Variants in MAP2K4 observed in about 807,000 individuals in gnomAD.
MAP2K4 encodes the protein mitogen-activated protein kinase kinase 4, also known as dual specificity mitogen-activated protein kinase kinase 4.
MAP2K4 carries 4 observed loss-of-function variants against 48.5 expected under a neutral mutation model. That is an observed-to-expected ratio of 0.08 (90% CI 0.04 to 0.19). The LOEUF is 0.19. Ranked by LOEUF, MAP2K4 falls within the 10% of genes least tolerant of loss-of-function variation. The pLI is 1.00. For synonymous variants in MAP2K4, 166 were observed against 173.1 expected, an observed-to-expected ratio of 0.96 and a Z score of 0.32; for missense variants, 258 against 493.3, an observed-to-expected ratio of 0.52 and a Z score of 4.52.
At chr17:12,111,818 G>A (rs1454090342) in intron 6 of MAP2K4, among the ~76,000 whole-genome samples, 1 of 63,896 alleles carries the variant, frequency 1.6e-5, no homozygotes, top group East Asian at 5.1e-4. Flanking sequence ...CCAAAGATGG[G>A]GTGGCTCAAA....
intron 1 of MAP2K4, among the ~76,000 whole-genome samples, chr17:12,030,222 T>C (rs1202733520): frequency 2.6e-5 from 4 of 152,158 alleles, no homozygotes; most frequent in African/African-American, 4.8e-5. Context: ...CTTCCCTAAT[T>C]TAATAATGTT....
At chr17:12,125,019 C>G in intron 7 of MAP2K4, 1 of 397,818 alleles carries the variant, frequency 2.5e-6, no homozygotes, top group East Asian at 4.2e-5. Context: ...CTTTGTCTCC[C>G]TCTTCCCTCA....
intron 2 of MAP2K4, among the ~76,000 whole-genome samples, chr17:12,064,654 T>G (rs1288042305): frequency 6.6e-6 from 1 of 152,102 alleles, no homozygotes; most frequent in Admixed American, 6.5e-5. Flanking sequence ...TAGAAAACTC[T>G]GCTAGGTTTT....
chr17:12,023,110 CTTT>C (rs1969143169), intron 1 of MAP2K4, among the ~76,000 whole-genome samples: 1 of 152,148 alleles, frequency 6.6e-6, no homozygotes, highest in Non-Finnish European at 1.5e-5. Flanking sequence ...GCCGAATTTT[CTTT>C]TTTATCAATA....
At chr17:12,037,042 T>C (rs1969624119) in intron 1 of MAP2K4, among the ~76,000 whole-genome samples, 1 of 152,134 alleles carries the variant, frequency 6.6e-6, no homozygotes, top group South Asian at 2.1e-4. Flanking sequence ...TTTTAAAAAA[T>C]GATTTAACTT....
chr17:12,108,891 G>A (rs2151574173), intron 5 of MAP2K4, among the ~76,000 whole-genome samples: 1 of 151,902 alleles, frequency 6.6e-6, no homozygotes, highest in African/African-American at 2.4e-5. Context: ...TTATTATTTA[G>A]CGGGGTATAT....
chr17:12,121,574 CAAAA>C (rs10569548), intron 7 of MAP2K4, among the ~76,000 whole-genome samples: 9 of 101,536 alleles, frequency 8.9e-5, no homozygotes, highest in African/African-American at 3.6e-4. Flanking sequence ...GACTCCGTCT[CAAAA>C]AAAAAAAAAA....
At chr17:12,034,259 T>A (rs1969525035) in intron 1 of MAP2K4, among the ~76,000 whole-genome samples, 1 of 152,256 alleles carries the variant, frequency 6.6e-6, no homozygotes. Context: ...TAAATGGCTC[T>A]GTTTTTGTCA....
intron 4 of MAP2K4, among the ~76,000 whole-genome samples, chr17:12,104,373 A>G (rs748116293): frequency 2.0e-5 from 3 of 152,140 alleles, no homozygotes; most frequent in Non-Finnish European, 4.4e-5. Context: ...TACATTGTAC[A>G]GAGGAAAGGG....
At chr17:12,049,142 A>C (rs2151521860) in intron 1 of MAP2K4, among the ~76,000 whole-genome samples, 1 of 152,332 alleles carries the variant, frequency 6.6e-6, no homozygotes, top group South Asian at 2.1e-4. Flanking sequence ...GTGATTGCAG[A>C]TAATTAAAAA....
Position 12,133,285 on chromosome 17 carries a change from C to G in MAP2K4, c.1040+3998C>G, listed in dbSNP as rs28921082. Among the ~76,000 whole-genome samples the G allele has an allele frequency of 6.2e-3, 948 of 152,268 alleles. 2 individuals carry two copies. Among genetic ancestry groups the G allele is most frequent in the East Asian group, 0.036 (187 of 5,172 alleles). ...TTAATAGAGATGGGGTTTCACCACA[C>G]TGGCCAGGCTGGTCTTGAACTGCTG... On this transcript the variant is annotated intron_variant, in intron 9 of 10. Coordinates refer to ENST00000353533, the MANE Select transcript of MAP2K4 (RefSeq NM_003010.4).
intron 1 of MAP2K4, among the ~76,000 whole-genome samples, chr17:12,029,735 G>T (rs1012655095): frequency 1.3e-5 from 2 of 151,876 alleles, no homozygotes; most frequent in African/African-American, 2.4e-5. Flanking sequence ...GACTAGCCTG[G>T]GCAACATGTT....
intron 10 of MAP2K4, 40 bp downstream of exon 10, chr17:12,139,924 C>T (rs774336179): frequency 6.8e-7 from 1 of 1,462,754 alleles, no homozygotes; most frequent in Non-Finnish European, 9.3e-7. Context: ...ACATCCTAAC[C>T]CCGGAACTCT....
chr17:12,062,426 C>T (rs1288179968), intron 2 of MAP2K4, among the ~76,000 whole-genome samples: 1 of 152,160 alleles, frequency 6.6e-6, no homozygotes, highest in Non-Finnish European at 1.5e-5. Flanking sequence ...TCTTGAACCA[C>T]TGGACTCAAG....
intron 3 of MAP2K4, among the ~76,000 whole-genome samples, chr17:12,090,808 C>T (rs543935387): frequency 6.6e-6 from 1 of 152,164 alleles, no homozygotes; most frequent in Non-Finnish European, 1.5e-5. Context: ...CTGTTTCTGT[C>T]CATCCTCTTA....
chr17:12,080,817 A>G (rs981975345), intron 2 of MAP2K4, among the ~76,000 whole-genome samples: 1 of 152,316 alleles, frequency 6.6e-6, no homozygotes, highest in Admixed American at 6.5e-5. Context: ...ATTCAGATGT[A>G]ATTGCTATGG....
At chr17:12,059,515 T>C (rs770568226) in intron 2 of MAP2K4, among the ~76,000 whole-genome samples, 3 of 152,162 alleles carry the variant, frequency 2.0e-5, no homozygotes, top group Admixed American at 1.3e-4. Flanking sequence ...TCATAACATA[T>C]CACAATTGTC....
chr17:12,032,196 A>G (rs1395305607), intron 1 of MAP2K4: 1 of 698,800 alleles, frequency 1.4e-6, no homozygotes, highest in Non-Finnish European at 2.2e-6. Context: ...ATAAAAATGC[A>G]ATGTCATGTT....
chr17:12,031,857 G>A (rs541698154), intron 1 of MAP2K4, among the ~76,000 whole-genome samples: 1 of 152,106 alleles, frequency 6.6e-6, no homozygotes, highest in African/African-American at 2.4e-5. Flanking sequence ...ATCATAGATG[G>A]TAATTAATCA....
Sources: allele counts gnomAD v4.1 joint callset (sites outside exome capture counted in the v4.1 genomes callset), GRCh38; gene constraint gnomAD v4.1.1; transcripts MANE v1.5; gene names NCBI Gene and HGNC (gene_info 2026-07-23, HGNC 2026-07-21).